EDARADD: variants seen among roughly 807,000 people sequenced by gnomAD.
The protein encoded by EDARADD is ectodysplasin-A receptor-associated adapter protein.
In EDARADD, 20 loss-of-function variants were observed where a neutral mutation model predicts 25.6. The observed-to-expected ratio is 0.78, with a 90% CI of 0.55 to 1.14. The LOEUF (loss-of-function observed/expected upper bound fraction) is 1.14. EDARADD is among the 50% of genes most tolerant of loss of function. EDARADD has a pLI of 0.00. For missense variants in EDARADD, 225 were observed against 270.1 expected (o/e 0.83, Z 1.17); for synonymous variants, 86 against 94.4 (o/e 0.91, Z 0.52).
chr1:236,450,984 C>G (rs1481648452), intron 4 of EDARADD, among the ~76,000 whole-genome samples: 1 of 152,198 alleles, frequency 6.6e-6, no homozygotes, highest in East Asian at 1.9e-4. Flanking sequence ...TATCTTGACT[C>G]TACCCTCTGG....
chr1:236,407,417 T>C (rs1667758743), intron 1 of EDARADD, among the ~76,000 whole-genome samples: 1 of 152,200 alleles, frequency 6.6e-6, no homozygotes, highest in Non-Finnish European at 1.5e-5. Context: ...AACAAAGAGA[T>C]GTTGCCTTCT....
Position 236,418,109 on chromosome 1 carries a change from A to G in EDARADD, c.160+3810A>G, listed in dbSNP as rs150018099. ...GCTGGGACTATAGGCGCCCACCACC[A>G]CGCCCAGCTAATTTTTTGTATTTTT... On this transcript the variant is annotated intron_variant, in intron 3 of 5. Transcript: ENST00000334232. Among the ~76,000 whole-genome samples the G allele has an allele frequency of 3.8e-3, 575 of 151,318 alleles. 3 individuals are homozygous for G. The highest frequency in any genetic ancestry group is 0.013 in the African/African-American group (556 of 41,262).
chr1:236,409,061 T>A (rs1224339747), intron 1 of EDARADD, among the ~76,000 whole-genome samples, 155 bp from the exon 2 acceptor site: 1 of 145,550 alleles, frequency 6.9e-6, no homozygotes, highest in African/African-American at 2.6e-5. Flanking sequence ...CAGCCAATCC[T>A]ATTTCTTAAA....
At chr1:236,464,252 TA>T (rs201282072) in intron 4 of EDARADD, among the ~76,000 whole-genome samples, 6,089 of 147,744 alleles carry the variant, frequency 0.041, 410 homozygotes, top group East Asian at 0.26. Context: ...CTGCAAGTAT[TA>T]TTTTTTTTTT....
upstream of EDARADD, among the ~76,000 whole-genome samples, chr1:236,391,408 C>T (rs1280303659): frequency 6.6e-6 from 1 of 152,192 alleles, no homozygotes; most frequent in Non-Finnish European, 1.5e-5. Context: ...GACATGGAAA[C>T]TTAGTAACTC....
At position 236,484,211 on chromosome 1, in the gene EDARADD, T is replaced by C. The variant is rs7513402; in HGVS notation, c.*1562T>C. 349,328 of 1,022,450 alleles carry C rather than the reference T, an allele frequency of 0.34. 62,133 individuals carry two copies. Among genetic ancestry groups the C allele is most frequent in the Non-Finnish European group, 0.36 (232,953 of 641,530 alleles). The allele number at this position is 1,022,450 out of a possible 1,614,324, so 63.3% of individuals were successfully genotyped here. A position where few individuals can be genotyped will look rare whatever the true frequency, so the allele number is the denominator to read the frequency against. ...TGCTCAAAGTGAACCAGATTCGCTC[T>C]GTGACTGAGTCCCTTCAGGCGTGCA... is the stretch of plus-strand genomic sequence containing the variant. On this transcript the variant is annotated 3_prime_UTR_variant, in exon 6 of 6. Coordinates refer to ENST00000334232, the MANE Select transcript of EDARADD (RefSeq NM_145861.4). This position sits in a 1 kb window ranked among gnomAD's most constrained non-coding sequence, Gnocchi z 4.1.
chr1:236,459,176 T>C (rs926119471), intron 4 of EDARADD, among the ~76,000 whole-genome samples: 2 of 152,092 alleles, frequency 1.3e-5, no homozygotes, highest in Non-Finnish European at 2.9e-5. Context: ...ATTACTTCTG[T>C]CCTACAGCCT....
At chr1:236,474,871 G>A (rs1296990741) in intron 5 of EDARADD, among the ~76,000 whole-genome samples, 1 of 152,158 alleles carries the variant, frequency 6.6e-6, no homozygotes, top group Non-Finnish European at 1.5e-5. Context: ...GATAGCTCAC[G>A]CCTGTAGTCC....
At chr1:236,429,218 G>GTTT (rs1558121753) in intron 4 of EDARADD, among the ~76,000 whole-genome samples, 6 of 121,222 alleles carry the variant, frequency 4.9e-5, no homozygotes, top group African/African-American at 1.9e-4. Context: ...GAGAGGGAGA[G>GTTT]ATTTTTTTTT....
intron 4 of EDARADD, among the ~76,000 whole-genome samples, chr1:236,467,790 C>A (rs1249615124): frequency 2.7e-5 from 4 of 150,406 alleles, no homozygotes; most frequent in Admixed American, 6.6e-5. Flanking sequence ...TGAGATCTTG[C>A]GCTGTCTTTC....
intron 1 of EDARADD, among the ~76,000 whole-genome samples, chr1:236,400,601 C>T (rs1667596796): frequency 6.6e-6 from 1 of 152,034 alleles, no homozygotes; most frequent in Non-Finnish European, 1.5e-5. Flanking sequence ...TGCACTCAGG[C>T]TGGAGTGCAA....
chr1:236,473,271 CT>C (rs1659403831), intron 5 of EDARADD, among the ~76,000 whole-genome samples: 1 of 152,046 alleles, frequency 6.6e-6, no homozygotes, highest in African/African-American at 2.4e-5. Context: ...GAGGGTGCCA[CT>C]TTAGCTCGGA....
intron 3 of EDARADD, among the ~76,000 whole-genome samples, chr1:236,363,651 C>T (rs568631514): frequency 6.6e-6 from 1 of 152,192 alleles, no homozygotes; most frequent in East Asian, 1.9e-4. Context: ...ACCTCAGCTT[C>T]CCAAAGTACT....
At chr1:236,410,920 C>A (rs1657449432) in intron 2 of EDARADD, among the ~76,000 whole-genome samples, 1 of 152,174 alleles carries the variant, frequency 6.6e-6, no homozygotes, top group Non-Finnish European at 1.5e-5. Flanking sequence ...AGTCTCTTCA[C>A]TCTGATCAAA....
intron 3 of EDARADD, among the ~76,000 whole-genome samples, chr1:236,363,030 T>TATATATATATATATATATATATAAAA (rs796610771): frequency 9.8e-6 from 1 of 101,948 alleles, no homozygotes; most frequent in African/African-American, 3.7e-5. Flanking sequence ...TATATATATA[T>TATATATATATATATATATATATAAAA]ATAAAATTTG....
intron 5 of EDARADD, among the ~76,000 whole-genome samples, chr1:236,477,263 C>G (rs1159991550): frequency 6.6e-6 from 1 of 152,034 alleles, no homozygotes; most frequent in Non-Finnish European, 1.5e-5. Flanking sequence ...CACCTGTAAT[C>G]TCAGTACTCT....
Position 236,447,233 on chromosome 1 carries a change from CCTTT to C in EDARADD, c.219+19789_219+19792del, listed in dbSNP as rs1553268573. 2.7e-3 allele frequency among the ~76,000 whole-genome samples: 284 copies of C among 104,630 alleles called. 1 individual carries two copies. Among genetic ancestry groups the C allele is most frequent in the African/African-American group, 0.011 (270 of 23,580 alleles). The allele number at this position is 104,630 out of a possible 152,430, so 68.6% of individuals were successfully genotyped here. Reference sequence around the variant, plus strand: ...CTTTCTTTCTTTCTTTCCTTTCTTTCCTTTCTTTCCTTTCTTTCCTTTCTTTCTT... The same window carrying C: ...CTTTCTTTCTTTCTTTCCTTTCTTTCCTTTCCTTTCTTTCCTTTCTTTCTT... On this transcript the variant is annotated intron_variant, in intron 4 of 5. Transcript: ENST00000334232.
intron 1 of EDARADD, among the ~76,000 whole-genome samples, chr1:236,399,015 G>C (rs1667568195): frequency 6.6e-6 from 1 of 152,104 alleles, no homozygotes; most frequent in Non-Finnish European, 1.5e-5. Flanking sequence ...AAAGAGTTGG[G>C]GGGAGAAAAA....
At chr1:236,428,690 A>ACG (rs558272516) in intron 4 of EDARADD, among the ~76,000 whole-genome samples, 38,182 of 108,170 alleles carry the variant, frequency 0.35, 8,740 homozygotes, top group Non-Finnish European at 0.5. Flanking sequence ...CACTTCCCAG[A>ACG]CTGGGCTGCC....
Sources: gnomAD v4.1 joint callset for allele counts (sites outside exome capture counted in the v4.1 genomes callset) on GRCh38, gnomAD v4.1.1 for gene constraint, Gnocchi (gnomAD v3.1) non-coding constraint, MANE v1.5 for transcripts, NCBI Gene and HGNC (gene_info 2026-07-23, HGNC 2026-07-21) for gene names.